Variants in TRPC3 observed in about 807,000 individuals in gnomAD.
The protein encoded by TRPC3 is short transient receptor potential channel 3.
In TRPC3, 54 loss-of-function variants were observed where a neutral mutation model predicts 90.9. The observed-to-expected ratio is 0.59, with a 90% confidence interval of 0.48 to 0.75. The LOEUF (loss-of-function observed/expected upper bound fraction) is 0.75, where lower values mean the gene tolerates loss of function less well. Ranked by LOEUF, TRPC3 falls within the 30% of genes least tolerant of loss-of-function variation. The pLI is 0.00. For synonymous variants in TRPC3, 424 were observed against 450.9 expected, an observed-to-expected ratio of 0.94 and a Z score of 0.75; for missense variants, 918 against 1,194.5, an observed-to-expected ratio of 0.77 and a Z score of 3.41.
chr4:121,942,700 C>T (rs1730361715), intron 1 of TRPC3, among the ~76,000 whole-genome samples: 1 of 152,202 alleles, frequency 6.6e-6, no homozygotes, highest in Non-Finnish European at 1.5e-5. Flanking sequence ...GGTCTATCTC[C>T]ACTGCTTTAT....
chr4:121,906,901 C>T (rs2149121877), intron 7 of TRPC3, among the ~76,000 whole-genome samples: 1 of 152,242 alleles, frequency 6.6e-6, no homozygotes, highest in South Asian at 2.1e-4. Context: ...ATAACTTCCT[C>T]TTACTCGACT....
intron 3 of TRPC3, among the ~76,000 whole-genome samples, chr4:121,922,067 T>C (rs541856656): frequency 7.0e-4 from 107 of 152,012 alleles, no homozygotes; most frequent in African/African-American, 2.4e-3. Context: ...TACAGGTGCC[T>C]GCCACCACGC....
intron 3 of TRPC3, among the ~76,000 whole-genome samples, chr4:121,919,563 C>T (rs1162598740): frequency 1.3e-5 from 2 of 152,180 alleles, no homozygotes; most frequent in Non-Finnish European, 2.9e-5. Context: ...GTGCAGGACA[C>T]AGGACTGTGC....
chr4:121,919,056 T>C (rs1038934522), intron 3 of TRPC3, among the ~76,000 whole-genome samples: 2 of 152,234 alleles, frequency 1.3e-5, no homozygotes, highest in Admixed American at 6.5e-5. Flanking sequence ...TACCCTTATT[T>C]TGAGTTTTCT....
At chr4:121,918,369 G>A (rs1308701932) in intron 3 of TRPC3, among the ~76,000 whole-genome samples, 1 of 152,120 alleles carries the variant, frequency 6.6e-6, no homozygotes, top group Non-Finnish European at 1.5e-5. Flanking sequence ...AAACTCTTGA[G>A]GACAGAAATA....
chr4:121,903,288 GA>G (rs1388732442), intron 8 of TRPC3, among the ~76,000 whole-genome samples: 1 of 151,884 alleles, frequency 6.6e-6, no homozygotes, highest in South Asian at 2.1e-4. Context: ...AATTTAACCA[GA>G]ACTTCCTGTC....
At chr4:121,887,770 G>A (rs955425655) in intron 10 of TRPC3, among the ~76,000 whole-genome samples, 4 of 151,994 alleles carry the variant, frequency 2.6e-5, no homozygotes, top group Non-Finnish European at 4.4e-5. Flanking sequence ...GCATATCTGC[G>A]TGCTTTTAAC....
At chr4:121,915,079 G>T in intron 3 of TRPC3, 135 bp from the exon 4 acceptor site, 1 of 708,830 alleles carries the variant, frequency 1.4e-6, no homozygotes, top group South Asian at 4.8e-5. Context: ...GGTACTGGAA[G>T]GTTCTGGTAA....
intron 7 of TRPC3, 143 bp from the exon 8 acceptor site, chr4:121,904,660 T>C (rs1314369660): frequency 3.9e-6 from 2 of 516,782 alleles, no homozygotes; most frequent in Non-Finnish European, 6.3e-6. Context: ...ATTACTTTGT[T>C]ATGACATTTC....
At chr4:121,929,689 C>T (rs1162969641) in intron 2 of TRPC3, among the ~76,000 whole-genome samples, 19 of 152,032 alleles carry the variant, frequency 1.2e-4, no homozygotes, top group Non-Finnish European at 2.6e-4. Context: ...AAACACCATA[C>T]CTACTGTATT....
intron 1 of TRPC3, among the ~76,000 whole-genome samples, chr4:121,937,808 A>G (rs535713737): frequency 6.6e-6 from 1 of 152,280 alleles, no homozygotes; most frequent in Admixed American, 6.5e-5. Context: ...TGTTATTACT[A>G]TCTTATTTCA....
intron 1 of TRPC3, among the ~76,000 whole-genome samples, chr4:121,950,334 G>C (rs1224883747): frequency 1.3e-5 from 2 of 152,230 alleles, no homozygotes; most frequent in African/African-American, 4.8e-5. Flanking sequence ...GCCTCGGGCG[G>C]TGGGCCTCTC....
chr4:121,914,323 C>T (rs762466611), intron 4 of TRPC3, among the ~76,000 whole-genome samples: 10 of 152,248 alleles, frequency 6.6e-5, no homozygotes, highest in African/African-American at 2.4e-4. Flanking sequence ...AACTGTGCTT[C>T]GCACACTTAA....
At chr4:121,916,477 A>C (rs963835603) in intron 3 of TRPC3, among the ~76,000 whole-genome samples, 9 of 152,194 alleles carry the variant, frequency 5.9e-5, no homozygotes, top group Non-Finnish European at 5.9e-5. Flanking sequence ...TGAGATTCTA[A>C]GCCTCAATGT....
Position 121,875,358 on chromosome 4 carries a change from T to C in TRPC3, c.*4378A>G, listed in dbSNP as rs901816073. ...TTTGATTTTGCATCTAAAAATGCAA[T>C]TTATTATTTTTAAAGTACATACTAT... On this transcript the variant is annotated 3_prime_UTR_variant, in exon 12 of 12. Coordinates refer to ENST00000379645, the MANE Select transcript of TRPC3 (RefSeq NM_001130698.2). 1.3e-5 allele frequency among the ~76,000 whole-genome samples: 2 copies of C among 152,224 alleles called. No individual in the cohort carries two copies. Among genetic ancestry groups the C allele is most frequent in the African/African-American group, 4.8e-5 (2 of 41,470 alleles).
chr4:121,879,907 G>A, intron 11 of TRPC3, 29 bp from the exon 12 acceptor site: 1 of 1,511,626 alleles, frequency 6.6e-7, no homozygotes, highest in Non-Finnish European at 8.8e-7. Context: ...AAAATTATTG[G>A]TAAGTTGCTC....
In TRPC3 at chr4:121,913,482, T is replaced by C. The variant is rs540266333; in HGVS notation, c.1341+1298A>G. ...CTGCAGAGCATGCCACACTGTTAGTTGTACTTGTAAAAGTGCAGGGAAAAA... is the reference window on the plus strand; with the variant it reads ...CTGCAGAGCATGCCACACTGTTAGTCGTACTTGTAAAAGTGCAGGGAAAAA... On this transcript the variant is annotated intron_variant, in intron 4 of 11. Coordinates refer to ENST00000379645, the MANE Select transcript of TRPC3 (RefSeq NM_001130698.2). Among the ~76,000 whole-genome samples the C allele has an allele frequency of 2.0e-3, 306 of 152,306 alleles. 1 individual carries two copies. Among genetic ancestry groups the C allele is most frequent in the Middle Eastern group, 3.4e-3 (1 of 294 alleles).
chr4:121,895,349 G>A (rs185958892), intron 10 of TRPC3, among the ~76,000 whole-genome samples: 1 of 151,494 alleles, frequency 6.6e-6, no homozygotes, highest in East Asian at 1.9e-4. Flanking sequence ...GATTAGAGCA[G>A]AAATAAACAA....
At chr4:121,900,536 A>G (rs544112618) in intron 9 of TRPC3, among the ~76,000 whole-genome samples, 52 of 152,342 alleles carry the variant, frequency 3.4e-4, no homozygotes, top group African/African-American at 1.2e-3. Context: ...GTGCCTGGAG[A>G]AAACCTTAGC....
Sources: gnomAD v4.1 joint callset for allele counts (sites outside exome capture counted in the v4.1 genomes callset) on GRCh38, gnomAD v4.1.1 for gene constraint, MANE v1.5 for transcripts, NCBI Gene and HGNC (gene_info 2026-07-23, HGNC 2026-07-21) for gene names.